CCDC7: variants seen among roughly 807,000 people sequenced by gnomAD.
CCDC7 encodes coiled-coil domain-containing protein 7.
In CCDC7, 183 loss-of-function variants were observed where a neutral mutation model predicts 196.9. That is an observed-to-expected ratio of 0.93 (90% CI 0.82 to 1.05). The LOEUF is 1.05. Ranked by LOEUF, CCDC7 falls within the 50% of genes least tolerant of loss-of-function variation. CCDC7 has a pLI of 0.00. For synonymous variants in CCDC7, 525 were observed against 484.6 expected (o/e 1.08, Z -1.10); for missense variants, 1,540 against 1,482.2 (o/e 1.04, Z -0.64).
chr10:32,694,263 G>A (rs1565167720), intron 23 of CCDC7, among the ~76,000 whole-genome samples: 1 of 152,048 alleles, frequency 6.6e-6, no homozygotes, highest in Non-Finnish European at 1.5e-5. Context: ...TCTTAAATCT[G>A]TGTATAGCTC....
chr10:32,699,543 A>T lies in CCDC7; in HGVS notation c.2458+4551A>T, dbSNP rs957777580. Among the ~76,000 whole-genome samples, 18 of 149,064 alleles carry T rather than the reference A, an allele frequency of 1.2e-4. 2 individuals are homozygous for T. The highest frequency in any genetic ancestry group is 4.4e-4 in the African/African-American group (17 of 38,458). Reference sequence around the variant, plus strand: ...GTGCATGTGTCTTTATAGCAGCATGATTTATAATCCTTTGGGTATATACCC... The same window carrying T: ...GTGCATGTGTCTTTATAGCAGCATGTTTTATAATCCTTTGGGTATATACCC... On this transcript the variant is annotated intron_variant, in intron 24 of 41. Transcript: ENST00000639629.
intron 15 of CCDC7, 115 bp downstream of exon 16, chr10:32,568,006 G>A: frequency 1.7e-6 from 1 of 598,200 alleles, no homozygotes; most frequent in Non-Finnish European, 2.2e-6. Context: ...CTGTTTTTGG[G>A]TTTTTTTTTT....
At chr10:32,814,931 A>G (rs1335316917) in intron 31 of CCDC7, among the ~76,000 whole-genome samples, 2 of 152,194 alleles carry the variant, frequency 1.3e-5, no homozygotes, top group African/African-American at 4.8e-5. Flanking sequence ...AACCACTGTC[A>G]TCCGAGGGAA....
intron 28 of CCDC7, among the ~76,000 whole-genome samples, chr10:32,777,953 G>A (rs1001915282): frequency 5.3e-5 from 8 of 152,150 alleles, no homozygotes; most frequent in Non-Finnish European, 2.9e-5. Context: ...GTGATGTGGA[G>A]CATTTTTTCA....
At chr10:32,732,014 G>A (rs1330942440) in intron 28 of CCDC7, among the ~76,000 whole-genome samples, 1 of 152,068 alleles carries the variant, frequency 6.6e-6, no homozygotes, top group African/African-American at 2.4e-5. Flanking sequence ...ATCGGCCACT[G>A]CACTCCAGCC....
chr10:32,737,571 T>C (rs2085070499), intron 28 of CCDC7, among the ~76,000 whole-genome samples: 2 of 152,194 alleles, frequency 1.3e-5, no homozygotes, highest in Admixed American at 6.5e-5. Flanking sequence ...AGTTCAACTA[T>C]ATTCTTAGTG....
intron 11 of CCDC7, among the ~76,000 whole-genome samples, chr10:32,532,705 T>C (rs2049870301): frequency 6.6e-6 from 1 of 152,192 alleles, no homozygotes; most frequent in African/African-American, 2.4e-5. Context: ...TCTTGCTGAA[T>C]TGACCTCTTT....
chr10:32,658,235 T>G (rs1591226736), intron 20 of CCDC7, among the ~76,000 whole-genome samples: 2 of 152,186 alleles, frequency 1.3e-5, no homozygotes, highest in African/African-American at 4.8e-5. Flanking sequence ...TGGTACCAAT[T>G]TACTATATTA....
intron 21 of CCDC7, among the ~76,000 whole-genome samples, chr10:32,685,444 C>T (rs978827246): frequency 6.6e-6 from 1 of 152,018 alleles, no homozygotes; most frequent in African/African-American, 2.4e-5. Flanking sequence ...TTTTTAGTTT[C>T]TGTCTCTAGT....
At chr10:32,554,551 A>G (rs2136400833) in intron 13 of CCDC7, among the ~76,000 whole-genome samples, 1 of 152,282 alleles carries the variant, frequency 6.6e-6, no homozygotes, top group South Asian at 2.1e-4. Context: ...AGTTCCAAGT[A>G]AGGTCAGAAA....
intron 3 of CCDC7, among the ~76,000 whole-genome samples, chr10:32,461,420 T>G (rs2035591959): frequency 6.6e-6 from 1 of 152,158 alleles, no homozygotes; most frequent in Admixed American, 6.5e-5. Context: ...ACAGAATGGT[T>G]GTAGGTGTAT....
At chr10:32,799,993 C>T (rs965720984) in intron 29 of CCDC7, among the ~76,000 whole-genome samples, 18 of 152,192 alleles carry the variant, frequency 1.2e-4, no homozygotes, top group African/African-American at 3.6e-4. Flanking sequence ...AAGGCATTTG[C>T]CAAGTCAGTG....
chr10:32,451,129 A>G (rs542409034), upstream of CCDC7, among the ~76,000 whole-genome samples: 1 of 152,312 alleles, frequency 6.6e-6, no homozygotes, highest in South Asian at 2.1e-4. Context: ...AAATAATCCA[A>G]CATTTTCCTT....
At chr10:32,685,810 C>T (rs1354940769) in intron 21 of CCDC7, among the ~76,000 whole-genome samples, 160 bp from the exon 23 acceptor site, 1 of 152,110 alleles carries the variant, frequency 6.6e-6, no homozygotes, top group African/African-American at 2.4e-5. Flanking sequence ...AAATTCTTTT[C>T]AGCATTTTCT....
chr10:32,586,940 T>G (rs1203328465), intron 18 of CCDC7, among the ~76,000 whole-genome samples: 1 of 152,208 alleles, frequency 6.6e-6, no homozygotes, highest in Non-Finnish European at 1.5e-5. Flanking sequence ...AATGCCTCTG[T>G]TTGACCTGTG....
intron 9 of CCDC7, among the ~76,000 whole-genome samples, chr10:32,511,119 T>C (rs1022990846): frequency 4.0e-5 from 6 of 151,686 alleles, no homozygotes; most frequent in African/African-American, 1.2e-4. Flanking sequence ...TATATCACAA[T>C]GTTAAAATCC....
chr10:32,647,523 G>C (rs1368139077), intron 20 of CCDC7, among the ~76,000 whole-genome samples: 1 of 34,822 alleles, frequency 2.9e-5, no homozygotes, highest in Non-Finnish European at 7.8e-5. Flanking sequence ...TTTAATAATA[G>C]CCATTCTGAC....
At chr10:32,662,848 A>G (rs546503426) in intron 20 of CCDC7, among the ~76,000 whole-genome samples, 9 of 152,286 alleles carry the variant, frequency 5.9e-5, no homozygotes, top group East Asian at 5.8e-4. Flanking sequence ...AGTTTGGTAA[A>G]TGATCTTATT....
intron 18 of CCDC7, among the ~76,000 whole-genome samples, chr10:32,593,459 G>A (rs1479122414): frequency 6.6e-6 from 1 of 152,212 alleles, no homozygotes; most frequent in South Asian, 2.1e-4. Context: ...CCCTTTGTCA[G>A]ATGGGTAGAT....
Sources: gnomAD v4.1 joint callset for allele counts (sites outside exome capture counted in the v4.1 genomes callset) on GRCh38, gnomAD v4.1.1 for gene constraint, MANE v1.5 for transcripts, NCBI Gene and HGNC (gene_info 2026-07-23, HGNC 2026-07-21) for gene names.